SPATA9: variants seen among roughly 807,000 people sequenced by gnomAD.
SPATA9 encodes spermatogenesis-associated protein 9.
A neutral mutation model predicts 25.5 loss-of-function variants in SPATA9; 27 were observed. The observed-to-expected ratio is 1.06, with a 90% CI of 0.78 to 1.46. The LOEUF is 1.46. Ranked by LOEUF, SPATA9 falls within the 40% of genes most tolerant of loss-of-function variation. SPATA9 has a pLI of 0.00. For synonymous variants in SPATA9, 102 were observed against 105.7 expected (o/e 0.97, Z 0.21); for missense variants, 282 against 297.5 (o/e 0.95, Z 0.38).
At chr5:95,725,475 C>G in the SPATA9 span, among the ~76,000 whole-genome samples, 1 of 152,262 alleles carries the variant, frequency 6.6e-6, no homozygotes, top group African/African-American at 2.4e-5. Flanking sequence ...AGAGGGGCGT[C>G]ATGTGTGCAC....
upstream of SPATA9, among the ~76,000 whole-genome samples, chr5:95,687,249 G>T (rs1207398096): frequency 6.6e-6 from 1 of 152,194 alleles, no homozygotes; most frequent in African/African-American, 2.4e-5. Flanking sequence ...TTGAAGTTTT[G>T]CAGATGGGGC....
At chr5:95,702,726 T>A (rs1754208620), upstream of SPATA9, among the ~76,000 whole-genome samples, 4 of 152,028 alleles carry the variant, frequency 2.6e-5, no homozygotes, top group Admixed American at 2.6e-4. Context: ...AAAAAAGTTT[T>A]ATAAATCAAC....
downstream of SPATA9, chr5:95,652,908 A>G (rs213509): frequency 0.39 from 230,192 of 593,578 alleles, 46,653 homozygotes; most frequent in African/African-American, 0.56. Context: ...CAGAGCCGGG[A>G]GCATTCTTTC....
In SPATA9 at chr5:95,693,398, A is replaced by G. The variant is rs570546532; in HGVS notation, n.124+5190T>C. On this transcript the variant is annotated intron_variant and non_coding_transcript_variant, in intron 1 of 2. Transcript: ENST00000379990. ...AGCTGCTGTACAGCAATAAAAATGAATGAATTATAATTATATGCAACATAA... is the reference window on the plus strand; with the variant it reads ...AGCTGCTGTACAGCAATAAAAATGAGTGAATTATAATTATATGCAACATAA... Among the ~76,000 whole-genome samples the G allele has an allele frequency of 9.8e-5, 15 of 152,382 alleles. No individual in the cohort carries two copies. The South Asian group carries it at 2.5e-3, about 25-fold the overall frequency.
chr5:95,690,769 T>C lies in SPATA9; in HGVS notation n.124+7819A>G, dbSNP rs181626326. Among the ~76,000 whole-genome samples the C allele has an allele frequency of 3.4e-3, 524 of 152,332 alleles. 5 individuals are homozygous for C. The highest frequency in any genetic ancestry group is 4.3e-3 in the Non-Finnish European group (291 of 68,028). On this transcript the variant is annotated intron_variant and non_coding_transcript_variant, in intron 1 of 2. Transcript: ENST00000379990. ...GTTTCCCAGAAATATAGGAGATAGA[T>C]GAACAGCCTAAATAAGAGCTTCTCA... is the stretch of plus-strand genomic sequence containing the variant.
the SPATA9 span, among the ~76,000 whole-genome samples, chr5:95,720,718 T>C: frequency 6.6e-6 from 1 of 152,206 alleles, no homozygotes; most frequent in African/African-American, 2.4e-5. Flanking sequence ...GAGTGTCTCA[T>C]TCTTTTTGTT....
chr5:95,653,186 G>A, exon 9 of SPATA9: 1 of 1,551,678 alleles, frequency 6.4e-7, no homozygotes, highest in Non-Finnish European at 8.7e-7. Context: ...CAGCTCAGCT[G>A]TCATCTCAGT....
the SPATA9 span, among the ~76,000 whole-genome samples, chr5:95,719,415 G>A: frequency 2.0e-5 from 3 of 152,184 alleles, no homozygotes; most frequent in African/African-American, 7.2e-5. Flanking sequence ...GGTAAACCTA[G>A]ATGGCCAAGA....
intron 4 of SPATA9, among the ~76,000 whole-genome samples, chr5:95,660,390 G>A (rs947627710): frequency 6.6e-6 from 1 of 152,126 alleles, no homozygotes; most frequent in Non-Finnish European, 1.5e-5. Flanking sequence ...GGGGAAGCAC[G>A]GACATTCAGA....
At chr5:95,686,348 A>C (rs1368514443), upstream of SPATA9, among the ~76,000 whole-genome samples, 1 of 152,212 alleles carries the variant, frequency 6.6e-6, no homozygotes, top group African/African-American at 2.4e-5. Context: ...AATTATGTAA[A>C]ACAATATAGT....
At chr5:95,708,300 A>G in the SPATA9 span, among the ~76,000 whole-genome samples, 1 of 152,140 alleles carries the variant, frequency 6.6e-6, no homozygotes, top group African/African-American at 2.4e-5. Context: ...CATGGGCTCC[A>G]TGAGACCAGG....
the SPATA9 span, chr5:95,719,494 A>G: frequency 2.0e-4 from 30 of 152,316 alleles, no homozygotes; most frequent in African/African-American, 6.7e-4. Flanking sequence ...TGGCTCTAAA[A>G]TTTTCAAGAA....
At chr5:95,675,300 G>A in intron 3 of SPATA9, 112 bp downstream of exon 3, 1 of 834,198 alleles carries the variant, frequency 1.2e-6, no homozygotes, top group Admixed American at 3.0e-5. Context: ...TCTTATCCAA[G>A]TATATCTGTT....
At chr5:95,705,309 T>C in the SPATA9 span, among the ~76,000 whole-genome samples, 2 of 152,206 alleles carry the variant, frequency 1.3e-5, no homozygotes, top group African/African-American at 4.8e-5. Flanking sequence ...AAAGGCCACA[T>C]CCCTTAATAT....
At chr5:95,706,121 C>A in the SPATA9 span, among the ~76,000 whole-genome samples, 1 of 152,070 alleles carries the variant, frequency 6.6e-6, no homozygotes, top group African/African-American at 2.4e-5. Context: ...GTAACAGATC[C>A]TTTAATGGCC....
the SPATA9 span, among the ~76,000 whole-genome samples, chr5:95,726,198 G>GTATT: frequency 1.6e-4 from 24 of 152,266 alleles, no homozygotes; most frequent in African/African-American, 5.8e-4. Context: ...TATTCTCAAG[G>GTATT]TATTTGCTAA....
chr5:95,656,405 T>TAGGCCA, downstream of SPATA9: 1 of 907,258 alleles, frequency 1.1e-6, no homozygotes, highest in Non-Finnish European at 1.7e-6. Flanking sequence ...TTTTTCAACA[T>TAGGCCA]AGGCACAACT....
upstream of SPATA9, chr5:95,683,027 A>G: frequency 7.9e-7 from 1 of 1,261,934 alleles, no homozygotes; most frequent in Non-Finnish European, 1.0e-6. Flanking sequence ...TAGGCTTCCG[A>G]GAACCTGCTA....
chr5:95,721,839 T>A, the SPATA9 span, among the ~76,000 whole-genome samples: 1 of 152,070 alleles, frequency 6.6e-6, no homozygotes, highest in Admixed American at 6.6e-5. Flanking sequence ...TTCAGCTAGG[T>A]GATCTATTAG....
Sources: allele counts gnomAD v4.1 joint callset (sites outside exome capture counted in the v4.1 genomes callset), GRCh38; gene constraint gnomAD v4.1.1; transcripts MANE v1.5; gene names NCBI Gene and HGNC (gene_info 2026-07-23, HGNC 2026-07-21).